The following PASD1 variants were observed in gnomAD, a reference collection of about 807,000 sequenced individuals.
PASD1 encodes PAS domain containing repressor 1.
In PASD1, 13 loss-of-function variants were observed where a neutral mutation model predicts 58.8. That is an observed-to-expected ratio of 0.22 (90% CI 0.14 to 0.35). The LOEUF (loss-of-function observed/expected upper bound fraction) is 0.35. Among genes scored for constraint, PASD1 ranks in the 10% least tolerant of loss-of-function variants. PASD1 has a pLI of 1.00. For synonymous variants in PASD1, 236 were observed against 216.7 expected, an observed-to-expected ratio of 1.09 and a Z score of -0.78; for missense variants, 734 against 568.3, an observed-to-expected ratio of 1.29 and a Z score of -2.96.
intron 1 of PASD1, among the ~76,000 whole-genome samples, chrX:151,580,322 A>G (rs2013066364): frequency 9.0e-6 from 1 of 111,554 alleles, no homozygotes; most frequent in Admixed American, 9.6e-5. Context: ...GAATAAGTGG[A>G]ATTTTTACAG....
At chrX:151,639,183 C>T (rs1204706110) in intron 8 of PASD1, among the ~76,000 whole-genome samples, 1 of 112,669 alleles carries the variant, frequency 8.9e-6, no homozygotes, top group Non-Finnish European at 1.9e-5. Context: ...TGTCCTCAAC[C>T]TGAAATATTT....
intron 1 of PASD1, among the ~76,000 whole-genome samples, chrX:151,578,960 G>A (rs2013049281): frequency 8.9e-6 from 1 of 111,786 alleles, no homozygotes; most frequent in Non-Finnish European, 1.9e-5. Flanking sequence ...GGGCACTTAA[G>A]TCACAGACCA....
chrX:151,659,633 A>G, intron 9 of PASD1, 80 bp from the exon 10 acceptor site: 1 of 985,775 alleles, frequency 1.0e-6, no homozygotes, highest in East Asian at 3.2e-5. Flanking sequence ...AATGCATCAA[A>G]GTTTGTATTC....
rs1255194935 is a variant in PASD1 at position 151,611,688 on chromosome X, C to T, written c.142C>T (p.Leu48=). The change falls in exon 4 of 16, where the codon CTG becomes TTG. Residue 48 remains leucine, a synonymous_variant. Transcript: ENST00000370357. ...LQLLDGFMIT[L]STDGVIICVA... ...GTTATTAGATGGCTTTATGATTACACTGAGCACAGATGGAGTGATCATTTG... is the reference window on the plus strand; with the variant it reads ...GTTATTAGATGGCTTTATGATTACATTGAGCACAGATGGAGTGATCATTTG... The T allele has an allele frequency of 3.3e-6, 4 of 1,201,957 alleles. No homozygotes were observed. The highest frequency in any genetic ancestry group is 4.5e-6 in the Non-Finnish European group (4 of 889,806).
At position 151,594,369 on chromosome X, in the gene PASD1, C is replaced by CT. The variant is rs766567430; in HGVS notation, c.-27-7152dup. Among the ~76,000 whole-genome samples the CT allele has an allele frequency of 3.6e-5, 4 of 111,857 alleles. No homozygotes were observed. The South Asian group carries it at 1.5e-3, about 42-fold the overall frequency. On this transcript the variant is annotated intron_variant, in intron 1 of 15. Transcript: ENST00000370357. ...ATTTGATTGATGTTTCCATTGTCTT[C>CT]TTTTTTCTGCTTTCTTTTGGATTAA...
chrX:151,652,215 A>G (rs1488713668), intron 9 of PASD1, among the ~76,000 whole-genome samples: 1 of 111,723 alleles, frequency 9.0e-6, no homozygotes, highest in African/African-American at 3.3e-5. Flanking sequence ...GAAAATATTA[A>G]ATAAAGAAAT....
intron 1 of PASD1, among the ~76,000 whole-genome samples, chrX:151,576,178 A>C (rs1206970692): frequency 9.1e-6 from 1 of 109,970 alleles, no homozygotes; most frequent in Non-Finnish European, 1.9e-5. Flanking sequence ...CTAATTTTTA[A>C]ATTTTTTTGT....
chrX:151,657,728 C>T (rs1312170893), intron 9 of PASD1, among the ~76,000 whole-genome samples: 7 of 110,834 alleles, frequency 6.3e-5, no homozygotes, highest in Admixed American at 9.6e-5. Context: ...TTTTTTATTG[C>T]GTCTGTTAGA....
At chrX:151,662,630 C>A (rs1232665711) in intron 10 of PASD1, among the ~76,000 whole-genome samples, 1 of 109,262 alleles carries the variant, frequency 9.2e-6, no homozygotes, top group Non-Finnish European at 1.9e-5. Context: ...TAACAACCAA[C>A]AACAACAACA....
intron 1 of PASD1, among the ~76,000 whole-genome samples, chrX:151,592,310 CATTT>C (rs1159549239): frequency 1.8e-5 from 2 of 112,149 alleles, no homozygotes; most frequent in African/African-American, 6.5e-5. Flanking sequence ...ATTGTCACTG[CATTT>C]ATTTTATGTG....
chrX:151,625,408 T>C (rs1005137787), intron 7 of PASD1, 40 bp from the exon 8 acceptor site: 36 of 1,031,625 alleles, frequency 3.5e-5, no homozygotes, highest in Non-Finnish European at 4.7e-5. Context: ...TTACTATTTA[T>C]ATACATATTA....
At chrX:151,592,164 G>A (rs73638090) in intron 1 of PASD1, among the ~76,000 whole-genome samples, 1,456 of 111,781 alleles carry the variant, frequency 0.013, 22 homozygotes, top group African/African-American at 0.043. Context: ...TAATTAACTT[G>A]TGAAGTTACA....
At chrX:151,625,186 G>A (rs1267948134) in intron 7 of PASD1, among the ~76,000 whole-genome samples, 1 of 111,857 alleles carries the variant, frequency 8.9e-6, no homozygotes, top group African/African-American at 3.2e-5. Flanking sequence ...GCGTGACTGT[G>A]TAGTACAGTG....
chrX:151,593,267 C>CT (rs758497078), intron 1 of PASD1, among the ~76,000 whole-genome samples: 153 of 109,832 alleles, frequency 1.4e-3, no homozygotes, highest in Non-Finnish European at 2.3e-3. Flanking sequence ...TTATTATACT[C>CT]TAAGTTCTAG....
At chrX:151,576,167 C>G (rs1262533949) in intron 1 of PASD1, among the ~76,000 whole-genome samples, 1 of 110,455 alleles carries the variant, frequency 9.1e-6, no homozygotes, top group East Asian at 2.8e-4. Context: ...GGCGCTCAGT[C>G]CTAATTTTTA....
intron 9 of PASD1, among the ~76,000 whole-genome samples, chrX:151,656,760 T>C (rs999025328): frequency 4.5e-5 from 5 of 111,939 alleles, no homozygotes; most frequent in African/African-American, 1.6e-4. Flanking sequence ...CATTTTGGGC[T>C]GAGACGATGG....
chrX:151,633,589 T>C (rs2013894701), intron 8 of PASD1, among the ~76,000 whole-genome samples: 1 of 111,945 alleles, frequency 8.9e-6, no homozygotes, highest in Non-Finnish European at 1.9e-5. Context: ...ATTTTCTTTA[T>C]GATGTGATCT....
intron 1 of PASD1, among the ~76,000 whole-genome samples, chrX:151,567,068 A>ATAAG (rs2012855917): frequency 1.1e-5 from 1 of 94,396 alleles, no homozygotes; most frequent in Non-Finnish European, 2.1e-5. Context: ...AAATAAATAA[A>ATAAG]TAAATAAATA....
chrX:151,640,096 C>T (rs1353566805), intron 8 of PASD1, among the ~76,000 whole-genome samples: 2 of 111,948 alleles, frequency 1.8e-5, no homozygotes, highest in Non-Finnish European at 1.9e-5. Context: ...ACCATGTTAC[C>T]TTAGAGGGAT....
Sources: allele counts gnomAD v4.1 joint callset (sites outside exome capture counted in the v4.1 genomes callset), GRCh38; gene constraint gnomAD v4.1.1; transcripts MANE v1.5; gene names NCBI Gene and HGNC (gene_info 2026-07-23, HGNC 2026-07-21).